Variants in ACTR3C observed in about 807,000 individuals in gnomAD.
ACTR3C encodes actin-related protein 3C.
ACTR3C carries 18 observed loss-of-function variants against 26.3 expected under a neutral mutation model. The ratio of observed to expected loss-of-function variants is 0.68; its 90% CI spans 0.47 to 1.01. The LOEUF (loss-of-function observed/expected upper bound fraction) is 1.01, where lower values mean the gene tolerates loss of function less well. Ranked by LOEUF, ACTR3C falls within the 50% of genes least tolerant of loss-of-function variation. The pLI, the probability that ACTR3C is intolerant of heterozygous loss-of-function variation, is 0.00. For missense variants in ACTR3C, 184 were observed against 250.7 expected (o/e 0.73, Z 1.80); for synonymous variants, 55 against 94.5 (o/e 0.58, Z 2.42).
At chr7:150,222,800 A>G in the ACTR3C span, among the ~76,000 whole-genome samples, 1 of 152,252 alleles carries the variant, frequency 6.6e-6, no homozygotes, top group African/African-American at 2.4e-5. Context: ...TATGTCACTT[A>G]TGTGACAATA....
At chr7:150,025,779 T>C in the ACTR3C span, among the ~76,000 whole-genome samples, 1 of 152,078 alleles carries the variant, frequency 6.6e-6, no homozygotes, top group South Asian at 2.1e-4. Flanking sequence ...CCCTCCACTT[T>C]TCCGTATGTT....
the ACTR3C span, among the ~76,000 whole-genome samples, chr7:150,023,269 C>CTCTA: frequency 1.3e-4 from 18 of 139,594 alleles, no homozygotes; most frequent in East Asian, 4.1e-4. Context: ...CTATATATCT[C>CTCTA]TATATGTATA....
At chr7:150,286,261 G>A (rs559795508) in intron 5 of ACTR3C, 106 bp downstream of exon 5, 88 of 1,371,632 alleles carry the variant, frequency 6.4e-5, no homozygotes, top group Admixed American at 1.1e-4. Flanking sequence ...ACCGAATGAC[G>A]GCCACCCTGC....
the ACTR3C span, among the ~76,000 whole-genome samples, chr7:149,979,539 T>C: frequency 2.0e-5 from 3 of 152,222 alleles, no homozygotes; most frequent in Non-Finnish European, 2.9e-5. Context: ...TATAAAATCA[T>C]ATTTGCTCAG....
chr7:150,106,404 G>C, the ACTR3C span, among the ~76,000 whole-genome samples: 3 of 151,302 alleles, frequency 2.0e-5, no homozygotes, highest in African/African-American at 7.3e-5. Context: ...AAAAGTTGCT[G>C]TTACATGGTA....
At chr7:149,940,702 C>T in the ACTR3C span, among the ~76,000 whole-genome samples, 3 of 140,902 alleles carry the variant, frequency 2.1e-5, no homozygotes, top group Non-Finnish European at 4.7e-5. Flanking sequence ...AAGAGATGAG[C>T]TCACCTCCCC....
the ACTR3C span, among the ~76,000 whole-genome samples, chr7:149,993,805 T>C: frequency 4.6e-5 from 7 of 152,354 alleles, no homozygotes; most frequent in African/African-American, 1.4e-4. Flanking sequence ...CCCACGGGGC[T>C]GGCCTCTGTG....
At chr7:150,261,140 T>G (rs1303385901) in intron 6 of ACTR3C, among the ~76,000 whole-genome samples, 1 of 152,234 alleles carries the variant, frequency 6.6e-6, no homozygotes, top group Non-Finnish European at 1.5e-5. Flanking sequence ...GAGTAAACTT[T>G]TCAAGATATT....
chr7:150,317,753 A>G (rs1797087470), intron 1 of ACTR3C, among the ~76,000 whole-genome samples: 1 of 152,180 alleles, frequency 6.6e-6, no homozygotes, highest in South Asian at 2.1e-4. Context: ...ATCTATTTCT[A>G]TTTCACTACA....
chr7:150,303,348 A>G (rs1185545142), intron 1 of ACTR3C, among the ~76,000 whole-genome samples: 2 of 152,310 alleles, frequency 1.3e-5, no homozygotes, highest in East Asian at 3.9e-4. Context: ...CCATATATTC[A>G]AGACACTAGA....
At chr7:150,069,745 T>C in the ACTR3C span, among the ~76,000 whole-genome samples, 16 of 151,902 alleles carry the variant, frequency 1.1e-4, no homozygotes, top group Admixed American at 2.6e-4. Flanking sequence ...AGGGGGCTTA[T>C]GTTATTTTGT....
the ACTR3C span, among the ~76,000 whole-genome samples, chr7:149,887,618 C>T: frequency 6.6e-6 from 1 of 152,176 alleles, no homozygotes; most frequent in African/African-American, 2.4e-5. Context: ...CTACTGGGCC[C>T]AGAAAAGGTG....
At chr7:150,272,690 GT>G (rs201919346) in intron 6 of ACTR3C, among the ~76,000 whole-genome samples, 1,731 of 113,944 alleles carry the variant, frequency 0.015, 72 homozygotes, top group East Asian at 0.032. Flanking sequence ...TGTTTTTTTG[GT>G]TTTTTTTTTT....
At chr7:150,035,194 C>T in the ACTR3C span, among the ~76,000 whole-genome samples, 320 of 122,126 alleles carry the variant, frequency 2.6e-3, 1 homozygote, top group African/African-American at 6.5e-3. Context: ...TCTCAGTCCC[C>T]GCCTCACGGG....
chr7:150,233,305 G>T, the ACTR3C span, among the ~76,000 whole-genome samples: 1 of 149,892 alleles, frequency 6.7e-6, no homozygotes, highest in African/African-American at 2.5e-5. Flanking sequence ...GTCCTGTTTT[G>T]CTGTAAGTCA....
the ACTR3C span, among the ~76,000 whole-genome samples, chr7:150,048,842 C>T: frequency 1.3e-5 from 2 of 152,106 alleles, no homozygotes; most frequent in African/African-American, 2.4e-5. Context: ...CCTCCGAAAC[C>T]GCCCCTTCCC....
the ACTR3C span, among the ~76,000 whole-genome samples, chr7:150,058,292 T>C: frequency 6.6e-6 from 1 of 152,224 alleles, no homozygotes; most frequent in African/African-American, 2.4e-5. Context: ...AATTTTCCTG[T>C]GAGCATGGTT....
chr7:150,042,895 C>T, the ACTR3C span, among the ~76,000 whole-genome samples: 2 of 150,776 alleles, frequency 1.3e-5, no homozygotes, highest in African/African-American at 4.9e-5. Flanking sequence ...TCGGGTAGCC[C>T]CAGGGCTGGG....
At chr7:150,128,778 T>A in the ACTR3C span, among the ~76,000 whole-genome samples, 22,700 of 150,206 alleles carry the variant, frequency 0.15, 1,491 homozygotes, top group Admixed American at 0.17. Flanking sequence ...AATAAGAACA[T>A]AGGAAAAATA....
Sources: allele counts gnomAD v4.1 joint callset (sites outside exome capture counted in the v4.1 genomes callset), GRCh38; gene constraint gnomAD v4.1.1; transcripts MANE v1.5; gene names NCBI Gene and HGNC (gene_info 2026-07-23, HGNC 2026-07-21).